Variants in DGKB observed in about 807,000 individuals in gnomAD.
The protein encoded by DGKB is 90 kDa diacylglycerol kinase.
A neutral mutation model predicts 114.3 loss-of-function variants in DGKB; 67 were observed. That is an observed-to-expected ratio of 0.59 (90% CI 0.48 to 0.72). DGKB has a LOEUF of 0.72. DGKB is among the 30% of genes least tolerant of loss of function. The pLI, the probability that DGKB is intolerant of heterozygous loss-of-function variation, is 0.00. For missense variants in DGKB, 907 were observed against 975.2 expected (o/e 0.93, Z 0.93); for synonymous variants, 398 against 323.1 (o/e 1.23, Z -2.49).
intron 21 of DGKB, among the ~76,000 whole-genome samples, chr7:14,456,945 A>G (rs1832372371): frequency 6.6e-6 from 1 of 151,976 alleles, no homozygotes; most frequent in Non-Finnish European, 1.5e-5. Flanking sequence ...AAGAGATAGG[A>G]CCCCTCTCAT....
At chr7:14,449,148 G>A (rs1327961652) in intron 21 of DGKB, among the ~76,000 whole-genome samples, 1 of 152,004 alleles carries the variant, frequency 6.6e-6, no homozygotes, top group African/African-American at 2.4e-5. Context: ...TATTTTAAAT[G>A]CTTGATAAGA....
At chr7:14,616,833 A>C (rs1806631212) in intron 15 of DGKB, among the ~76,000 whole-genome samples, 1 of 151,752 alleles carries the variant, frequency 6.6e-6, no homozygotes, top group Non-Finnish European at 1.5e-5. Flanking sequence ...CACACACACA[A>C]AAATACTGAT....
chr7:14,289,864 C>CTT (rs898294503), intron 23 of DGKB, among the ~76,000 whole-genome samples: 3 of 151,664 alleles, frequency 2.0e-5, no homozygotes, highest in East Asian at 3.9e-4. Context: ...GCAAACGGAA[C>CTT]TTTGCAAATC....
At chr7:14,156,237 G>A (rs879943854) in intron 25 of DGKB, among the ~76,000 whole-genome samples, 7 of 152,104 alleles carry the variant, frequency 4.6e-5, no homozygotes, top group African/African-American at 7.2e-5. Flanking sequence ...CTGTATGTCC[G>A]TGATATAAAC....
intron 23 of DGKB, among the ~76,000 whole-genome samples, chr7:14,211,521 A>C (rs76038078): frequency 5.2e-5 from 1 of 19,116 alleles, no homozygotes; most frequent in Non-Finnish European, 8.0e-5. Context: ...TTTTACTCTC[A>C]TGTTTTGTGA....
chr7:14,762,613 CTT>C (rs1015279410), intron 2 of DGKB, among the ~76,000 whole-genome samples: 5 of 152,230 alleles, frequency 3.3e-5, no homozygotes, highest in Middle Eastern at 6.8e-3. Flanking sequence ...TCTCACATCT[CTT>C]TAGGCATCTG....
intron 25 of DGKB, among the ~76,000 whole-genome samples, chr7:14,170,161 GAA>G (rs1327361125): frequency 3.7e-5 from 3 of 81,304 alleles, no homozygotes; most frequent in African/African-American, 2.2e-4. Context: ...AAGAAAGAAA[GAA>G]AGAAAGAAAG....
chr7:14,967,974 T>A (rs1424501670), intron 1 of DGKB, among the ~76,000 whole-genome samples: 1 of 152,154 alleles, frequency 6.6e-6, no homozygotes, highest in Non-Finnish European at 1.5e-5. Flanking sequence ...TATTTCTATT[T>A]CTGACAAACA....
At chr7:14,925,923 G>T (rs906426377) in intron 1 of DGKB, among the ~76,000 whole-genome samples, 1 of 151,814 alleles carries the variant, frequency 6.6e-6, no homozygotes, top group Non-Finnish European at 1.5e-5. Context: ...TATCACAGTG[G>T]GTAGAAAAGT....
At chr7:14,796,587 A>T (rs1841439474) in intron 2 of DGKB, among the ~76,000 whole-genome samples, 1 of 152,148 alleles carries the variant, frequency 6.6e-6, no homozygotes, top group African/African-American at 2.4e-5. Context: ...AAGAGGTGGA[A>T]GTGGTCCAGT....
At chr7:14,551,956 A>T (rs925466548) in intron 20 of DGKB, among the ~76,000 whole-genome samples, 2 of 152,170 alleles carry the variant, frequency 1.3e-5, no homozygotes, top group Non-Finnish European at 1.5e-5. Context: ...GATTTGGTTT[A>T]TTAAGCCCTA....
chr7:14,602,006 T>C (rs554585135), intron 17 of DGKB, among the ~76,000 whole-genome samples: 20 of 151,982 alleles, frequency 1.3e-4, no homozygotes, highest in Admixed American at 4.6e-4. Flanking sequence ...ATCCTCCATA[T>C]TGCAGCCTCT....
intron 25 of DGKB, among the ~76,000 whole-genome samples, chr7:14,150,776 A>G (rs1414729116): frequency 6.6e-6 from 1 of 152,130 alleles, no homozygotes; most frequent in Non-Finnish European, 1.5e-5. Flanking sequence ...GCATTAGAGT[A>G]TACTGTACCT....
chr7:14,469,399 T>C (rs1335684712), intron 21 of DGKB, among the ~76,000 whole-genome samples: 1 of 151,908 alleles, frequency 6.6e-6, no homozygotes, highest in Non-Finnish European at 1.5e-5. Context: ...TTCACTGCAG[T>C]GGCAAAAATA....
chr7:14,231,925 T>G (rs905100736), intron 23 of DGKB, among the ~76,000 whole-genome samples: 4 of 152,050 alleles, frequency 2.6e-5, no homozygotes, highest in Non-Finnish European at 4.4e-5. Context: ...TATGTAATGT[T>G]TAACTTAGCT....
At chr7:14,868,578 C>T (rs1162552449) in intron 1 of DGKB, among the ~76,000 whole-genome samples, 1 of 152,070 alleles carries the variant, frequency 6.6e-6, no homozygotes, top group Admixed American at 6.6e-5. Flanking sequence ...TCGGACTTCA[C>T]AGACCTTCTA....
At chr7:14,805,011 T>C (rs1842622061) in intron 2 of DGKB, among the ~76,000 whole-genome samples, 1 of 152,112 alleles carries the variant, frequency 6.6e-6, no homozygotes, top group Non-Finnish European at 1.5e-5. Flanking sequence ...TTTCATTCAA[T>C]TGGTTTTATT....
At chr7:14,219,119 G>C (rs1789502645) in intron 23 of DGKB, among the ~76,000 whole-genome samples, 1 of 151,836 alleles carries the variant, frequency 6.6e-6, no homozygotes, top group African/African-American at 2.4e-5. Flanking sequence ...TTTTATAAGT[G>C]AATAACATTT....
At chr7:14,247,610 C>T (rs970467662) in intron 23 of DGKB, among the ~76,000 whole-genome samples, 2 of 152,088 alleles carry the variant, frequency 1.3e-5, no homozygotes, top group African/African-American at 4.8e-5. Context: ...TGATGTTGAG[C>T]ATTTCTTCGC....
Sources: allele counts gnomAD v4.1 joint callset (sites outside exome capture counted in the v4.1 genomes callset), GRCh38; gene constraint gnomAD v4.1.1; transcripts MANE v1.5; gene names NCBI Gene and HGNC (gene_info 2026-07-23, HGNC 2026-07-21).